Variants in ALDH2 observed in about 807,000 individuals in gnomAD.
ALDH2 encodes the protein aldehyde dehydrogenase, mitochondrial.
Under a neutral mutation model 59.6 loss-of-function variants are expected in ALDH2, and 44 were observed. The ratio of observed to expected loss-of-function variants is 0.74; its 90% CI spans 0.58 to 0.95. The LOEUF (loss-of-function observed/expected upper bound fraction) is 0.95, where lower values mean the gene tolerates loss of function less well. ALDH2 is among the 40% of genes least tolerant of loss of function. The pLI is 0.00. For missense variants in ALDH2, 570 were observed against 696.3 expected, an observed-to-expected ratio of 0.82 and a Z score of 2.04; for synonymous variants, 291 against 284.0, an observed-to-expected ratio of 1.02 and a Z score of -0.25.
At chr12:111,788,576 G>T (rs2068330524) in intron 4 of ALDH2, among the ~76,000 whole-genome samples, 1 of 152,158 alleles carries the variant, frequency 6.6e-6, no homozygotes, top group South Asian at 2.1e-4. Context: ...ATAACTTCTG[G>T]GGCTTGCAAA....
intron 1 of ALDH2, among the ~76,000 whole-genome samples, chr12:111,771,008 A>G (rs2068195313): frequency 6.6e-6 from 1 of 151,728 alleles, no homozygotes; most frequent in Non-Finnish European, 1.5e-5. Context: ...TTGAACTTCT[A>G]GGCTCAAGCA....
intron 9 of ALDH2, 29 bp downstream of exon 9, chr12:111,792,811 G>A (rs1012641870): frequency 3.9e-6 from 6 of 1,536,702 alleles, no homozygotes; most frequent in African/African-American, 2.7e-5. Flanking sequence ...CAGGGTCTGG[G>A]TGTCTAGAGC....
chr12:111,801,378 T>C (rs147584072), intron 11 of ALDH2, among the ~76,000 whole-genome samples: 5 of 152,290 alleles, frequency 3.3e-5, no homozygotes, highest in African/African-American at 1.2e-4. Flanking sequence ...ATAGCATGGA[T>C]TAATCTTGAA....
chr12:111,798,384 C>A, intron 10 of ALDH2, 142 bp downstream of exon 10: 2 of 831,612 alleles, frequency 2.4e-6, no homozygotes, highest in South Asian at 1.9e-5. Flanking sequence ...GCCCATAACA[C>A]GCTATTCATA....
Position 111,809,528 on chromosome 12 carries a change from C to A in ALDH2, c.1522-15C>A. The A allele has an allele frequency of 1.9e-6, 3 of 1,614,156 alleles. No homozygotes were observed. The highest frequency in any genetic ancestry group is 2.5e-6 in the Non-Finnish European group (3 of 1,179,998). ...GAAGCAGGAAGATCTAACGGCTTCTCTGTCCCCCTTACAGGTCACAGTCAA... is the reference window on the plus strand; with the variant it reads ...GAAGCAGGAAGATCTAACGGCTTCTATGTCCCCCTTACAGGTCACAGTCAA... On this transcript the variant is annotated splice_polypyrimidine_tract_variant and intron_variant, in intron 12 of 12. Coordinates refer to ENST00000261733, the MANE Select transcript of ALDH2 (RefSeq NM_000690.4).
At chr12:111,774,094 G>A (rs149093906) in intron 1 of ALDH2, among the ~76,000 whole-genome samples, 339 of 152,288 alleles carry the variant, frequency 2.2e-3, no homozygotes, top group Middle Eastern at 3.4e-3. Context: ...TTGAAACCGC[G>A]CCTGTCTGGC....
At chr12:111,807,569 G>A (rs1257859308) in intron 12 of ALDH2, among the ~76,000 whole-genome samples, 3 of 152,204 alleles carry the variant, frequency 2.0e-5, no homozygotes, top group African/African-American at 2.4e-5. Context: ...GGATGGCCAC[G>A]TGACAGGGTG....
chr12:111,779,283 TC>T (rs1334004233), intron 1 of ALDH2, among the ~76,000 whole-genome samples: 2 of 152,084 alleles, frequency 1.3e-5, no homozygotes, highest in Non-Finnish European at 2.9e-5. Context: ...CCTCCCAGAC[TC>T]AAGCAAGTGA....
At position 111,788,205 on chromosome 12, in the gene ALDH2, C is replaced by T. The variant is rs575475254; in HGVS notation, c.441-1618C>T. 4.6e-5 allele frequency among the ~76,000 whole-genome samples: 7 copies of T among 151,486 alleles called. No individual in the cohort carries two copies. In the South Asian group the frequency reaches 1.0e-3, roughly 23 times the overall value. ...AGCCTGGGAGACAAGAGCGAGACTT[C>T]GTCTCAAAAAAAAGAAAAAAAAAAA... is the stretch of plus-strand genomic sequence containing the variant. On this transcript the variant is annotated intron_variant, in intron 4 of 12. Transcript: ENST00000261733.
At chr12:111,805,559 A>G (rs2068487480) in intron 12 of ALDH2, among the ~76,000 whole-genome samples, 1 of 152,124 alleles carries the variant, frequency 6.6e-6, no homozygotes, top group African/African-American at 2.4e-5. Flanking sequence ...TCCTGGGCTC[A>G]AGTGATTCTC....
intron 4 of ALDH2, among the ~76,000 whole-genome samples, chr12:111,789,519 G>GA (rs377190726): frequency 7.0e-4 from 101 of 143,730 alleles, no homozygotes; most frequent in Middle Eastern, 3.6e-3. Context: ...AGAAAAGAAA[G>GA]AAAAAAAAAA....
At chr12:111,799,390 C>T (rs1257514714) in intron 10 of ALDH2, among the ~76,000 whole-genome samples, 14 of 151,660 alleles carry the variant, frequency 9.2e-5, no homozygotes, top group Non-Finnish European at 2.9e-5. Context: ...TTGTCTCCAA[C>T]TCCTGACCTC....
At chr12:111,767,198 G>T (rs1392439565) in intron 1 of ALDH2, 102 bp downstream of exon 1, 4 of 932,900 alleles carry the variant, frequency 4.3e-6, no homozygotes, top group Non-Finnish European at 6.0e-6. Flanking sequence ...TACTCATCTG[G>T]GGCTCGAGGG....
At chr12:111,780,896 G>A (rs1026346443) in intron 1 of ALDH2, among the ~76,000 whole-genome samples, 3 of 152,118 alleles carry the variant, frequency 2.0e-5, no homozygotes, top group East Asian at 3.9e-4. Context: ...GCTGAGGAGG[G>A]AGTATCGCTT....
chr12:111,773,521 G>A (rs932183566), intron 1 of ALDH2, among the ~76,000 whole-genome samples: 2 of 152,190 alleles, frequency 1.3e-5, no homozygotes, highest in Non-Finnish European at 2.9e-5. Flanking sequence ...CATCCTACCC[G>A]CAACTCTATA....
Position 111,790,081 on chromosome 12 carries a change from G to A in ALDH2, c.552+147G>A, listed in dbSNP as rs2068345540. On this transcript the variant is annotated intron_variant, in intron 5 of 12. Coordinates refer to ENST00000261733, the MANE Select transcript of ALDH2 (RefSeq NM_000690.4). ...CTCTGACAAAGCCAATCCGGTTTGA[G>A]TCTCAGCACTGCCACTCGTGAATTC... The A allele has an allele frequency of 1.5e-5, 11 of 711,318 alleles. 1 individual carries two copies. In the Admixed American group the frequency reaches 3.0e-4, roughly 19 times the overall value. 44.1% of individuals were successfully genotyped at this position (711,318 alleles called of 1,614,324 possible). A position where few individuals can be genotyped will look rare whatever the true frequency, so the allele number is the denominator to read the frequency against.
intron 12 of ALDH2, among the ~76,000 whole-genome samples, chr12:111,804,499 A>C (rs2068478293): frequency 6.6e-6 from 1 of 152,178 alleles, no homozygotes; most frequent in Admixed American, 6.5e-5. Flanking sequence ...TAATCCCAGC[A>C]CTTTGGGAGG....
intron 1 of ALDH2, among the ~76,000 whole-genome samples, chr12:111,780,790 C>T (rs2068265674): frequency 6.6e-6 from 1 of 152,166 alleles, no homozygotes; most frequent in Admixed American, 6.5e-5. Flanking sequence ...GTGCCTGGCC[C>T]ATCGCAGGTG....
chr12:111,776,554 A>C (rs1438834969), intron 1 of ALDH2, among the ~76,000 whole-genome samples: 1 of 152,028 alleles, frequency 6.6e-6, no homozygotes, highest in Middle Eastern at 3.2e-3. Flanking sequence ...TGAGCACAGG[A>C]GTTTGGGACC....
Sources: allele counts gnomAD v4.1 joint callset (sites outside exome capture counted in the v4.1 genomes callset), GRCh38; gene constraint gnomAD v4.1.1; transcripts MANE v1.5; gene names NCBI Gene and HGNC (gene_info 2026-07-23, HGNC 2026-07-21).